Variants in DIPK2B observed in about 807,000 individuals in gnomAD.
DIPK2B encodes divergent protein kinase domain 2B.
A neutral mutation model predicts 22.2 loss-of-function variants in DIPK2B; 15 were observed. The observed-to-expected ratio is 0.68, with a 90% CI of 0.45 to 1.04. The LOEUF (loss-of-function observed/expected upper bound fraction) is 1.04. DIPK2B is among the 50% of genes least tolerant of loss of function. The pLI, the probability that DIPK2B is intolerant of heterozygous loss-of-function variation, is 0.00. For missense variants in DIPK2B, 345 were observed against 348.3 expected (o/e 0.99, Z 0.08); for synonymous variants, 163 against 153.2 (o/e 1.06, Z -0.47).
chrX:45,154,315 C>T, intron 3 of DIPK2B, 117 bp from the exon 4 acceptor site: 2 of 587,589 alleles, frequency 3.4e-6, no homozygotes, highest in Non-Finnish European at 4.9e-6. Flanking sequence ...ATCTATCTAT[C>T]TATCTGTCTA....
chrX:45,153,982 A>C lies in DIPK2B; in HGVS notation c.889T>G (p.Phe297Val), dbSNP rs1032686828. Residue 297 changes from phenylalanine to valine, a missense_variant, in exon 4 of 5, where the codon TTC (phenylalanine) becomes GTC (valine). By Grantham distance (50) the Phe-to-Val change is conservative. Transcript: ENST00000398000. ...AGATGCCCGTTGTTAAAGACGCCGA[A>C]CATGCCTGCATCAATGTGGGTGAAG... ...FYFTHIDAGM[F>V]GVFNNGHLFI... The C allele has an allele frequency of 2.5e-6, 3 of 1,208,804 alleles. No individual in the cohort carries two copies. In the African/African-American group the frequency reaches 5.3e-5, roughly 21 times the overall value.
intron 2 of DIPK2B, among the ~76,000 whole-genome samples, chrX:45,189,388 C>T (rs12557664): frequency 0.19 from 20,765 of 110,831 alleles, 1,715 homozygotes; most frequent in Admixed American, 0.38. Context: ...CCGAGGTGGG[C>T]GGATCACCTG....
At position 45,154,305 on chromosome X, in the gene DIPK2B, ATCTATCTATCTATCTG is replaced by A. The variant is rs1395494148; in HGVS notation, c.673-123_673-108del. The A allele has an allele frequency of 3.2e-3, 2,097 of 655,235 alleles. 4 individuals are homozygous for A. The highest frequency in any genetic ancestry group is 0.011 in the African/African-American group (433 of 41,105). 54.0% of individuals were successfully genotyped at this position (655,235 alleles called of 1,213,427 possible). ...TATCTATCTATCTATCTATCTATCT[ATCTATCTATCTATCTG>A]TCTATCTATATCAATCATCTATATC... is the stretch of plus-strand genomic sequence containing the variant. On this transcript the variant is annotated intron_variant, in intron 3 of 4. Transcript: ENST00000398000.
intron 2 of DIPK2B, chrX:45,162,694 A>G: frequency 5.3e-6 from 4 of 754,568 alleles, no homozygotes; most frequent in Non-Finnish European, 6.3e-6. Context: ...CAACAGGGCT[A>G]ACTTACCACC....
At chrX:45,187,157 G>C (rs2047187707) in intron 2 of DIPK2B, among the ~76,000 whole-genome samples, 1 of 111,981 alleles carries the variant, frequency 8.9e-6, no homozygotes. Context: ...TTAGAACAAT[G>C]TCAGATCGGA....
Position 45,157,863 on chromosome X carries a change from C to T in DIPK2B, c.524G>A (p.Cys175Tyr). The T allele has an allele frequency of 2.6e-6, 3 of 1,161,403 alleles. No homozygotes were observed. The South Asian group carries it at 5.7e-5, about 22-fold the overall frequency. ...GCGATCCAGGAGTCGCTGCGAAGGG[C>T]AGCGCAGGAGCGGGCTGGCCAGGCC... The part of the protein sequence containing the change: ...VQGLASPLLR[C>Y]PSQRLLDRVV... The change falls in exon 3 of 5, where the codon TGC (cysteine) becomes TAC (tyrosine). Residue 175 changes from cysteine to tyrosine, a missense_variant. Coordinates refer to ENST00000398000, the MANE Select transcript of DIPK2B (RefSeq NM_176819.4).
chrX:45,195,425 A>G (rs1182624955), intron 1 of DIPK2B, among the ~76,000 whole-genome samples: 1 of 111,727 alleles, frequency 9.0e-6, no homozygotes, highest in African/African-American at 3.3e-5. Flanking sequence ...GAGGAGAGCA[A>G]CAGCTTTGGA....
At chrX:45,169,309 C>G (rs1334662665) in intron 2 of DIPK2B, among the ~76,000 whole-genome samples, 2 of 111,352 alleles carry the variant, frequency 1.8e-5, no homozygotes, top group African/African-American at 6.5e-5. Context: ...AACGCAACAC[C>G]TTTTTCTAAT....
intron 2 of DIPK2B, among the ~76,000 whole-genome samples, chrX:45,160,005 C>T (rs774018111): frequency 9.1e-6 from 1 of 109,927 alleles, no homozygotes; most frequent in Non-Finnish European, 1.9e-5. Context: ...GAGGTGGGGC[C>T]TGGTGGGAGG....
intron 2 of DIPK2B, among the ~76,000 whole-genome samples, chrX:45,169,490 A>C: frequency 9.0e-6 from 1 of 111,232 alleles, no homozygotes; most frequent in Non-Finnish European, 1.9e-5. Flanking sequence ...TGTCATGTTC[A>C]CTTGTGACCT....
chrX:45,177,677 C>T (rs2047126212), intron 2 of DIPK2B, among the ~76,000 whole-genome samples: 1 of 110,981 alleles, frequency 9.0e-6, no homozygotes, highest in Non-Finnish European at 1.9e-5. Context: ...TCAGGCATTC[C>T]TTCGTAGCAA....
chrX:45,200,682 T>G lies in DIPK2B; in HGVS notation c.145A>C (p.Asn49His). 8.2e-7 allele frequency: 1 copy of G among 1,212,237 alleles called. No individual in the cohort carries two copies. The highest frequency in any genetic ancestry group is 1.1e-6 in the Non-Finnish European group (1 of 895,587). ...SLVPQVRTSYNFGRTFLGLDK... is the reference protein window; with the variant it reads ...SLVPQVRTSYHFGRTFLGLDK... ...AGACCGAGGAAAGTCCTTCCAAAAT[T>G]GTAGCTGGTTCTGACTTGGGGCACC... is the stretch of plus-strand genomic sequence containing the variant. The change falls in exon 1 of 5, where the codon AAT becomes CAT. Residue 49 changes from asparagine to histidine, a missense_variant. Physicochemically the swap from Asn to His is moderately conservative, Grantham distance 68 (BLOSUM62 1). Transcript: ENST00000398000.
chrX:45,198,061 G>T (rs1025158362), intron 1 of DIPK2B, among the ~76,000 whole-genome samples: 1 of 112,331 alleles, frequency 8.9e-6, no homozygotes, highest in South Asian at 3.6e-4. Flanking sequence ...AAAGTGTGTG[G>T]AAGATCATTT....
rs1293442160 is a variant in DIPK2B, at chrX:45,192,025, G to T, written c.234-10C>A. 3 of 1,199,482 alleles carry T rather than the reference G, an allele frequency of 2.5e-6. No individual in the cohort carries two copies. Among genetic ancestry groups the T allele is most frequent in the Admixed American group, 4.5e-5 (2 of 44,528 alleles). On this transcript the variant is annotated splice_polypyrimidine_tract_variant and intron_variant, in intron 1 of 4. Transcript: ENST00000398000. ...CAGCCAGTTGTCAGATCTGTTGGAAGAATAGCCCTTTGAGGATTGGCCTGT... is the reference window on the plus strand; with the variant it reads ...CAGCCAGTTGTCAGATCTGTTGGAATAATAGCCCTTTGAGGATTGGCCTGT...
At chrX:45,187,823 G>T (rs761811974) in intron 2 of DIPK2B, among the ~76,000 whole-genome samples, 5 of 110,657 alleles carry the variant, frequency 4.5e-5, no homozygotes, top group African/African-American at 1.3e-4. Context: ...TCTCTGCCTT[G>T]TCAGTTCTCT....
intron 2 of DIPK2B, among the ~76,000 whole-genome samples, chrX:45,179,229 A>G (rs2047135606): frequency 9.0e-6 from 1 of 111,436 alleles, no homozygotes; most frequent in Admixed American, 9.6e-5. Context: ...TAGTCTTGAG[A>G]TTGCAAAATC....
chrX:45,193,323 T>TA (rs1242748607), intron 1 of DIPK2B, among the ~76,000 whole-genome samples: 1 of 112,449 alleles, frequency 8.9e-6, no homozygotes, highest in African/African-American at 3.2e-5. Context: ...TAAGAATATT[T>TA]AAATTCTTAT....
At chrX:45,184,835 A>AGAG (rs1251855266) in intron 2 of DIPK2B, among the ~76,000 whole-genome samples, 1 of 112,381 alleles carries the variant, frequency 8.9e-6, no homozygotes, top group African/African-American at 3.2e-5. Context: ...GGGGAAATAT[A>AGAG]GAGTTTTCAT....
chrX:45,157,704 T>A lies in DIPK2B; in HGVS notation c.672+11A>T. The A allele has an allele frequency of 8.5e-7, 1 of 1,177,596 alleles. No individual in the cohort carries two copies. Among genetic ancestry groups the A allele is most frequent in the Non-Finnish European group, 1.1e-6 (1 of 874,852 alleles). ...CCCCCAACCTAGAGGGCTTGCCAGG[T>A]CGCTGCATACCTGTAGGAGGATGGG... On this transcript the variant is annotated intron_variant, in intron 3 of 4. Coordinates refer to ENST00000398000, the MANE Select transcript of DIPK2B (RefSeq NM_176819.4).
Sources: gnomAD v4.1 joint callset for allele counts (sites outside exome capture counted in the v4.1 genomes callset) on GRCh38, gnomAD v4.1.1 for gene constraint, MANE v1.5 for transcripts, NCBI Gene and HGNC (gene_info 2026-07-23, HGNC 2026-07-21) for gene names.